Variants in LDAH observed in about 807,000 individuals in gnomAD.
The protein encoded by LDAH is lipid droplet-associated hydrolase.
LDAH carries 26 observed loss-of-function variants against 29.6 expected under a neutral mutation model. The ratio of observed to expected loss-of-function variants is 0.88; its 90% CI spans 0.64 to 1.22. The LOEUF (loss-of-function observed/expected upper bound fraction) is 1.22, where lower values mean the gene tolerates loss of function less well. Among genes scored for constraint, LDAH ranks in the 50% most tolerant of loss-of-function variants. The probability of loss-of-function intolerance (pLI) is 0.00; values close to 1 mark genes in which losing one functional copy is unlikely to be tolerated. For synonymous variants in LDAH, 117 were observed against 133.0 expected, an observed-to-expected ratio of 0.88 and a Z score of 0.83; for missense variants, 344 against 387.3, an observed-to-expected ratio of 0.89 and a Z score of 0.94.
chr2:20,810,251 G>C (rs1160199648), intron 1 of LDAH, among the ~76,000 whole-genome samples: 1 of 152,176 alleles, frequency 6.6e-6, no homozygotes. Context: ...TAGGCTGTTG[G>C]CCTGGAACAC....
intron 1 of LDAH, among the ~76,000 whole-genome samples, chr2:20,822,436 C>A (rs1673390678): frequency 6.6e-6 from 1 of 152,234 alleles, no homozygotes; most frequent in Non-Finnish European, 1.5e-5. Flanking sequence ...AGCCACGGCG[C>A]CCGGCCAGGA....
chr2:20,808,448 G>C (rs993700382), intron 1 of LDAH, among the ~76,000 whole-genome samples: 2 of 152,134 alleles, frequency 1.3e-5, no homozygotes, highest in Non-Finnish European at 2.9e-5. Flanking sequence ...CGGATCACGA[G>C]GTCAGAAGAT....
rs1246312821 is a variant in LDAH, at chr2:20,790,351, A to C, written c.202T>G (p.Tyr68Asp). ...GGAAAGCGTCTGTTTGTCAAAGAGTATAAAGCCTTTGCAAATGGCACATAA... is the reference window on the plus strand; with the variant it reads ...GGAAAGCGTCTGTTTGTCAAAGAGTCTAAAGCCTTTGCAAATGGCACATAA... Reference protein sequence around the residue: ...AFYVPFAKALYSLTNRRFPVW... With the variant: ...AFYVPFAKALDSLTNRRFPVW... The change falls in exon 3 of 7, where the codon TAC (tyrosine) becomes GAC (aspartate). Residue 68 changes from tyrosine to aspartate, a missense_variant. Coordinates refer to ENST00000237822, the MANE Select transcript of LDAH (RefSeq NM_021925.4). 6 of 1,614,194 alleles carry C rather than the reference A, an allele frequency of 3.7e-6. No individual in the cohort carries two copies. The highest frequency in any genetic ancestry group is 5.1e-6 in the Non-Finnish European group (6 of 1,180,008).
chr2:20,742,257 G>C (rs1015502309), intron 4 of LDAH, among the ~76,000 whole-genome samples: 1 of 152,160 alleles, frequency 6.6e-6, no homozygotes, highest in Non-Finnish European at 1.5e-5. Context: ...ATCTTGAGAA[G>C]AATGTGTATT....
At chr2:20,746,093 G>C (rs1667551549) in intron 4 of LDAH, among the ~76,000 whole-genome samples, 1 of 152,204 alleles carries the variant, frequency 6.6e-6, no homozygotes, top group East Asian at 1.9e-4. Flanking sequence ...TTGAAGAAGA[G>C]AGCAGTTCAA....
At chr2:20,771,376 T>TG (rs1669402060) in intron 4 of LDAH, among the ~76,000 whole-genome samples, 2 of 152,220 alleles carry the variant, frequency 1.3e-5, no homozygotes, top group African/African-American at 4.8e-5. Flanking sequence ...ACAGAAGAGA[T>TG]GGAAACACAA....
intron 6 of LDAH, among the ~76,000 whole-genome samples, chr2:20,688,074 A>G (rs1202576066): frequency 6.6e-6 from 1 of 152,208 alleles, no homozygotes; most frequent in Non-Finnish European, 1.5e-5. Flanking sequence ...TTCATCAAAT[A>G]CAAATGGAGC....
chr2:20,811,396 T>C (rs548273554), intron 1 of LDAH, among the ~76,000 whole-genome samples: 2 of 152,264 alleles, frequency 1.3e-5, no homozygotes, highest in South Asian at 4.1e-4. Context: ...CCTCATCTCC[T>C]TCCTCAGAAC....
At chr2:20,813,134 G>T (rs1672612868) in intron 1 of LDAH, among the ~76,000 whole-genome samples, 1 of 152,068 alleles carries the variant, frequency 6.6e-6, no homozygotes, top group African/African-American at 2.4e-5. Context: ...GGATAAATGA[G>T]ATATAATGCA....
At chr2:20,710,608 A>ATGTGTGTGTG (rs1664655001) in intron 5 of LDAH, among the ~76,000 whole-genome samples, 1 of 79,614 alleles carries the variant, frequency 1.3e-5, no homozygotes, top group South Asian at 3.9e-4. Context: ...GTGTGTGTGT[A>ATGTGTGTGTG]TATATATATA....
chr2:20,790,678 C>T (rs1046198083), intron 2 of LDAH, among the ~76,000 whole-genome samples: 7 of 152,102 alleles, frequency 4.6e-5, no homozygotes, highest in Non-Finnish European at 8.8e-5. Context: ...TAACAAGATG[C>T]ATGAAAACCA....
intron 3 of LDAH, among the ~76,000 whole-genome samples, chr2:20,786,730 A>G (rs1670582368): frequency 1.3e-5 from 2 of 152,160 alleles, no homozygotes; most frequent in African/African-American, 4.8e-5. Flanking sequence ...TCAGTCTTTC[A>G]GTGGGCCTGA....
Position 20,751,509 on chromosome 2 carries a change from TC to T in LDAH, c.469-11305del, listed in dbSNP as rs1238533302. On this transcript the variant is annotated intron_variant, in intron 4 of 6. Transcript: ENST00000237822. ...AAACGTAACTTCTATCTTCAATGAA[TC>T]TAGGAGATAGTTGTAACAATAAGCC... Among the ~76,000 whole-genome samples the T allele has an allele frequency of 5.3e-5, 8 of 152,326 alleles. No individual in the cohort carries two copies. In the East Asian group the frequency reaches 1.3e-3, roughly 26 times the overall value.
chr2:20,782,958 C>G (rs114881360), intron 3 of LDAH, among the ~76,000 whole-genome samples: 2,236 of 152,246 alleles, frequency 0.015, 57 homozygotes, highest in African/African-American at 0.05. Flanking sequence ...GCAGTCAATG[C>G]TATAAATTTC....
intron 4 of LDAH, among the ~76,000 whole-genome samples, chr2:20,770,134 T>C (rs1669311201): frequency 6.6e-6 from 1 of 152,180 alleles, no homozygotes; most frequent in Non-Finnish European, 1.5e-5. Context: ...CTATAGTCAA[T>C]ATGCATTGCT....
chr2:20,698,738 C>A lies in LDAH; in HGVS notation c.786+2832G>T, dbSNP rs1369235303. Among the ~76,000 whole-genome samples, 1 of 152,100 alleles carries A rather than the reference C, an allele frequency of 6.6e-6. No homozygotes were observed. Among genetic ancestry groups the A allele is most frequent in the Non-Finnish European group, 1.5e-5 (1 of 68,020 alleles). ...TGATGCCATAAACCATGGTATACTC[C>A]TTTGGAAACAACCATGAGTCTGTTA... On this transcript the variant is annotated intron_variant, in intron 6 of 6. Coordinates refer to ENST00000237822, the MANE Select transcript of LDAH (RefSeq NM_021925.4). The surrounding 1 kb of genome is among the most constrained non-coding windows in gnomAD (Gnocchi z 4.4).
intron 2 of LDAH, among the ~76,000 whole-genome samples, chr2:20,796,269 A>G (rs1317095467): frequency 6.6e-6 from 1 of 152,136 alleles, no homozygotes; most frequent in Non-Finnish European, 1.5e-5. Context: ...ACTCAATGAG[A>G]GCAAAGACTT....
chr2:20,725,721 A>G (rs1665968555), intron 5 of LDAH, among the ~76,000 whole-genome samples: 1 of 152,234 alleles, frequency 6.6e-6, no homozygotes, highest in African/African-American at 2.4e-5. Flanking sequence ...TTGGCTACTA[A>G]TCTAAAAGTT....
At chr2:20,807,637 A>G (rs116304893) in intron 1 of LDAH, among the ~76,000 whole-genome samples, 4,120 of 152,140 alleles carry the variant, frequency 0.027, 185 homozygotes, top group African/African-American at 0.095. Context: ...AAAATCCAAT[A>G]GTCATGAAAA....
Sources: allele counts gnomAD v4.1 joint callset (sites outside exome capture counted in the v4.1 genomes callset), GRCh38; gene constraint gnomAD v4.1.1; non-coding constraint Gnocchi (gnomAD v3.1); transcripts MANE v1.5; gene names NCBI Gene and HGNC (gene_info 2026-07-23, HGNC 2026-07-21).